The following SERPINB13 variants were observed in gnomAD, a reference collection of about 807,000 sequenced individuals.
SERPINB13 encodes the protein serpin family B member 13.
Under a neutral mutation model 31.2 loss-of-function variants are expected in SERPINB13, and 26 were observed. The ratio of observed to expected loss-of-function variants is 0.83; its 90% CI spans 0.61 to 1.15. SERPINB13 has a LOEUF of 1.15. Among genes scored for constraint, SERPINB13 ranks in the 50% most tolerant of loss-of-function variants. The pLI is 0.00. For missense variants in SERPINB13, 510 were observed against 469.4 expected, an observed-to-expected ratio of 1.09 and a Z score of -0.80; for synonymous variants, 191 against 172.4, an observed-to-expected ratio of 1.11 and a Z score of -0.85.
Position 63,592,958 on chromosome 18 carries a change from A to G in SERPINB13, c.459A>G (p.Glu153=), listed in dbSNP as rs1433551793. ...GAAAGAAGATTAATTCCTGGGTTGAAAGCAAAACAAATGGTAGAGTATGGG... is the reference window on the plus strand; with the variant it reads ...GAAAGAAGATTAATTCCTGGGTTGAGAGCAAAACAAATGGTAGAGTATGGG... ...ESRKKINSWV[E]SKTNEKIKDL... is the part of the protein sequence containing the mutation. Residue 153 remains glutamate (E), a synonymous_variant, in exon 5 of 8, where the codon GAA becomes GAG. Transcript: ENST00000344731. 1.1e-5 allele frequency: 18 copies of G among 1,606,616 alleles called. No individual in the cohort carries two copies. In the East Asian group the frequency reaches 3.6e-4, roughly 32 times the overall value.
At chr18:63,593,718 T>C (rs79766106) in intron 5 of SERPINB13, among the ~76,000 whole-genome samples, 13 of 139,114 alleles carry the variant, frequency 9.3e-5, no homozygotes, top group South Asian at 2.3e-4. Flanking sequence ...GTTTTTTTTT[T>C]CCCCTCATGC....
chr18:63,591,525 T>G (rs1346973664), intron 3 of SERPINB13, among the ~76,000 whole-genome samples: 1 of 151,896 alleles, frequency 6.6e-6, no homozygotes, highest in Admixed American at 6.6e-5. Flanking sequence ...TTTGCCTGGG[T>G]GAGAGTTTAT....
At chr18:63,594,161 G>A (rs771160809) in intron 5 of SERPINB13, 194 bp from the exon 6 acceptor site, 1 of 1,493,530 alleles carries the variant, frequency 6.7e-7, no homozygotes, top group East Asian at 2.7e-5. Context: ...TTTATCCACT[G>A]GGATAAATAG....
intron 1 of SERPINB13, 123 bp from the exon 2 acceptor site, chr18:63,588,528 A>T: frequency 2.0e-6 from 2 of 995,262 alleles, no homozygotes; most frequent in Non-Finnish European, 3.0e-6. Flanking sequence ...GCGACCTTTC[A>T]CCAAAAGGGT....
intron 1 of SERPINB13, 78 bp from the exon 2 acceptor site, chr18:63,588,573 G>A (rs955559774): frequency 1.5e-5 from 21 of 1,419,130 alleles, no homozygotes; most frequent in Non-Finnish European, 2.1e-5. Context: ...TGCAAGAAGA[G>A]GAATAGAAGC....
At chr18:63,587,900 TAAA>T (rs1367649739) in intron 1 of SERPINB13, among the ~76,000 whole-genome samples, 1 of 152,234 alleles carries the variant, frequency 6.6e-6, no homozygotes, top group African/African-American at 2.4e-5. Context: ...AATTGCTCTT[TAAA>T]AACTATTTTT....
At chr18:63,588,572 A>G in intron 1 of SERPINB13, 79 bp from the exon 2 acceptor site, 1 of 1,398,398 alleles carries the variant, frequency 7.2e-7, no homozygotes, top group Non-Finnish European at 1.0e-6. Context: ...ATGCAAGAAG[A>G]GGAATAGAAG....
chr18:63,596,893 AGT>A, intron 7 of SERPINB13, 64 bp from the exon 8 acceptor site: 1 of 1,269,356 alleles, frequency 7.9e-7, no homozygotes. Flanking sequence ...GACACAAATC[AGT>A]GTTACACTGT....
rs1198609931 is a variant in SERPINB13, at chr18:63,598,440, C to T, written c.*1077C>T. ...CTCATGTCTATTAATATTCCCAATC[C>T]TAGGCACCACTGAGTTGTTTTCTGT... is the stretch of plus-strand genomic sequence containing the variant. On this transcript the variant is annotated 3_prime_UTR_variant, in exon 8 of 8. Coordinates refer to ENST00000344731, the MANE Select transcript of SERPINB13 (RefSeq NM_012397.4). 1.3e-5 allele frequency: 2 copies of T among 152,064 alleles called. No individual in the cohort carries two copies. The highest frequency in any genetic ancestry group is 2.9e-5 in the Non-Finnish European group (2 of 68,002). 9.4% of individuals were successfully genotyped at this position (152,064 alleles called of 1,614,324 possible). A position where few individuals can be genotyped will look rare whatever the true frequency, so the allele number is the denominator to read the frequency against.
chr18:63,594,690 T>C (rs1282404358), intron 6 of SERPINB13, among the ~76,000 whole-genome samples, 193 bp downstream of exon 6: 1 of 151,988 alleles, frequency 6.6e-6, no homozygotes, highest in Non-Finnish European at 1.5e-5. Context: ...AACATAAAAA[T>C]TAGCTGGGTG....
Position 63,597,002 on chromosome 18 carries a change from G to A in SERPINB13, c.815G>A (p.Ser272Asn), listed in dbSNP as rs764108987. 6.2e-7 allele frequency: 1 copy of A among 1,614,110 alleles called. No individual in the cohort carries two copies. The highest frequency in any genetic ancestry group is 2.2e-5 in the East Asian group (1 of 44,884). ...ISPEKLVEWTSPGHMEERKVN... is the reference protein window; with the variant it reads ...ISPEKLVEWTNPGHMEERKVN... ...CCTGAGAAATTGGTAGAGTGGACTA[G>A]TCCAGGGCATATGGAAGAAAGAAAG... The change falls in exon 8 of 8, where the codon AGT (serine) becomes AAT (asparagine). Residue 272 changes from serine to asparagine, a missense_variant. Ser to Asn is a conservative substitution (Grantham distance 46). Coordinates refer to ENST00000344731, the MANE Select transcript of SERPINB13 (RefSeq NM_012397.4).
In SERPINB13 at chr18:63,595,198, C is replaced by G; in HGVS notation, c.771+14C>G. ...GGCCTGGAGAAGGTAAACGCTTACA[C>G]CTCCTTATTCTTTCTTTCATTTCCT... On this transcript the variant is annotated intron_variant, in intron 7 of 7. Transcript: ENST00000344731. 6.3e-7 allele frequency: 1 copy of G among 1,593,062 alleles called. No individual in the cohort carries two copies. Among genetic ancestry groups the G allele is most frequent in the Non-Finnish European group, 8.5e-7 (1 of 1,172,920 alleles).
intron 3 of SERPINB13, among the ~76,000 whole-genome samples, chr18:63,590,466 A>G (rs2144392742): frequency 6.6e-6 from 1 of 152,284 alleles, no homozygotes; most frequent in South Asian, 2.1e-4. Flanking sequence ...CTCATTTCAC[A>G]ACCCCAAAAG....
At chr18:63,588,935 C>T in intron 2 of SERPINB13, 103 bp downstream of exon 2, 8 of 1,219,754 alleles carry the variant, frequency 6.6e-6, no homozygotes, top group Non-Finnish European at 8.9e-6. Context: ...CTCTTCTTGA[C>T]CTGTGGACCA....
intron 3 of SERPINB13, 27 bp from the exon 4 acceptor site, chr18:63,592,321 T>G: frequency 6.3e-7 from 1 of 1,599,766 alleles, no homozygotes. Context: ...CAAGATAACC[T>G]GTTGAGATTT....
intron 2 of SERPINB13, 141 bp downstream of exon 2, chr18:63,588,973 C>A: frequency 1.1e-6 from 1 of 921,676 alleles, no homozygotes; most frequent in Non-Finnish European, 1.6e-6. Flanking sequence ...AGACAAGGAG[C>A]AATTTCAGGT....
rs1338469772 is a variant in SERPINB13 at position 63,592,342 on chromosome 18, T to C, written c.226-6T>C. 1 of 1,606,052 alleles carries C rather than the reference T, an allele frequency of 6.2e-7. No homozygotes were observed. Among genetic ancestry groups the C allele is most frequent in the Non-Finnish European group, 8.5e-7 (1 of 1,176,714 alleles). ...AACCTGTTGAGATTTTGTTTTAATT[T>C]TCAAGATTGAGAACACAGAAGCAGT... On this transcript the variant is annotated splice_region_variant and splice_polypyrimidine_tract_variant and intron_variant, in intron 3 of 7. Coordinates refer to ENST00000344731, the MANE Select transcript of SERPINB13 (RefSeq NM_012397.4).
chr18:63,593,690 C>T (rs1487233234), intron 5 of SERPINB13, among the ~76,000 whole-genome samples: 3 of 126,694 alleles, frequency 2.4e-5, no homozygotes, highest in African/African-American at 6.3e-5. Context: ...TCAGAGAGAA[C>T]TTTGTTATTC....
chr18:63,588,944 C>T (rs915569473), intron 2 of SERPINB13, 112 bp downstream of exon 2: 2 of 1,154,848 alleles, frequency 1.7e-6, no homozygotes, highest in African/African-American at 3.1e-5. Flanking sequence ...ACCTGTGGAC[C>T]AGGAAACAGA....
Sources: allele counts gnomAD v4.1 joint callset (sites outside exome capture counted in the v4.1 genomes callset), GRCh38; gene constraint gnomAD v4.1.1; transcripts MANE v1.5; gene names NCBI Gene and HGNC (gene_info 2026-07-23, HGNC 2026-07-21).